The following SLC22A17 variants were observed in gnomAD, a reference collection of about 807,000 sequenced individuals.
SLC22A17 encodes the protein solute carrier family 22 member 17.
A neutral mutation model predicts 53.6 loss-of-function variants in SLC22A17; 38 were observed. That is an observed-to-expected ratio of 0.71 (90% CI 0.55 to 0.93). SLC22A17 has a LOEUF of 0.93. SLC22A17 is among the 40% of genes least tolerant of loss of function. The pLI is 0.00. For synonymous variants in SLC22A17, 379 were observed against 353.0 expected (o/e 1.07, Z -0.82); for missense variants, 704 against 791.0 (o/e 0.89, Z 1.32).
chr14:23,349,628 G>A lies in SLC22A17; in HGVS notation c.705-202C>T. Reference sequence around the variant, plus strand: ...GGCTACTGGGCACTGGGGTGTGGTTGTGGTTCTTTAAGAGGTGGGAACATT... The same window carrying A: ...GGCTACTGGGCACTGGGGTGTGGTTATGGTTCTTTAAGAGGTGGGAACATT... On this transcript the variant is annotated intron_variant, in intron 3 of 9. Transcript: ENST00000397267. 3 of 618,418 alleles carry A rather than the reference G, an allele frequency of 4.9e-6. No homozygotes were observed. In the Admixed American group the frequency reaches 8.9e-5, roughly 18 times the overall value. 38.3% of individuals were successfully genotyped at this position (618,418 alleles called of 1,614,324 possible). A position where few individuals can be genotyped will look rare whatever the true frequency, so the allele number is the denominator to read the frequency against.
chr14:23,346,588 C>G, exon 10 of SLC22A17: 1 of 1,431,202 alleles, frequency 7.0e-7, no homozygotes, highest in Non-Finnish European at 9.1e-7. Context: ...CTCAGTCTTC[C>G]CGATCTTCTT....
At chr14:23,349,468 T>C in intron 3 of SLC22A17, 42 bp from the exon 4 acceptor site, 2 of 1,584,518 alleles carry the variant, frequency 1.3e-6, no homozygotes, top group African/African-American at 1.4e-5. Flanking sequence ...GACTCTCTGG[T>C]GGTGGGAAAG....
In SLC22A17 at chr14:23,352,332, G is replaced by A; in HGVS notation, c.216C>T (p.Ala72=). ...CAAAGCTGAGGGGGCCTGGGGGCAC[G>A]GCCAGCGACAGGCTGCTGCCCAGTC... The change falls in exon 2 of 10, where the codon GCC becomes GCT. Residue 72 remains alanine (A), a synonymous_variant. Coordinates refer to ENST00000397267, the Ensembl canonical transcript of SLC22A17. The surrounding 1 kb of genome is among the most constrained non-coding windows in gnomAD (Gnocchi z 7.2). The A allele has an allele frequency of 4.2e-6, 5 of 1,199,182 alleles. No homozygotes were observed. The highest frequency in any genetic ancestry group is 5.5e-6 in the Non-Finnish European group (5 of 911,152). 74.3% of individuals were successfully genotyped at this position (1,199,182 alleles called of 1,614,324 possible). A position where few individuals can be genotyped will look rare whatever the true frequency, so the allele number is the denominator to read the frequency against.
Position 23,346,553 on chromosome 14 carries a change from C to A in SLC22A17, c.*95G>T, listed in dbSNP as rs191503775. On this transcript the variant is annotated 3_prime_UTR_variant, in exon 10 of 10. Transcript: ENST00000397267. ...TGGCTGGCGTGAGGTGCCTCTGAGA[C>A]TTCTGGGCAGCCCTGCCTTCCCTAC... 11,415 of 1,398,430 alleles carry A rather than the reference C, an allele frequency of 8.2e-3. 66 individuals are homozygous for A. Among genetic ancestry groups the A allele is most frequent in the Non-Finnish European group, 9.8e-3 (10,431 of 1,067,942 alleles). 86.6% of individuals were successfully genotyped at this position (1,398,430 alleles called of 1,614,324 possible).
At chr14:23,351,705 T>G (rs774265715) in intron 3 of SLC22A17, 47 bp downstream of exon 3, 1 of 1,549,804 alleles carries the variant, frequency 6.5e-7, no homozygotes, top group Non-Finnish European at 8.8e-7. Flanking sequence ...TTAGCTTCCC[T>G]AGCACCCCCT....
Position 23,347,377 on chromosome 14 carries a change from G to A in SLC22A17, c.1549+83C>T. 1.9e-6 allele frequency: 3 copies of A among 1,546,108 alleles called. No individual in the cohort carries two copies. The highest frequency in any genetic ancestry group is 1.9e-5 in the Admixed American group (1 of 53,618). On this transcript the variant is annotated intron_variant, in intron 8 of 9. Coordinates refer to ENST00000397267, the Ensembl canonical transcript of SLC22A17. This position sits in a 1 kb window ranked among gnomAD's most constrained non-coding sequence, Gnocchi z 5.1. ...AGATGGGGCTGTGGGGCCAGGTGGAGGCTCGTGGAAGAGCTGGGCAGGGTC... is the reference window on the plus strand; with the variant it reads ...AGATGGGGCTGTGGGGCCAGGTGGAAGCTCGTGGAAGAGCTGGGCAGGGTC...
chr14:23,350,654 G>A (rs1889566638), intron 3 of SLC22A17, among the ~76,000 whole-genome samples: 1 of 152,158 alleles, frequency 6.6e-6, no homozygotes, highest in Admixed American at 6.5e-5. Flanking sequence ...AATGGGGTGG[G>A]GCATTTTTCC....
chr14:23,347,382 G>A lies in SLC22A17; in HGVS notation c.1549+78C>T, dbSNP rs1362867038. 14 of 1,553,594 alleles carry A rather than the reference G, an allele frequency of 9.0e-6. No individual in the cohort carries two copies. The highest frequency in any genetic ancestry group is 2.3e-5 in the East Asian group (1 of 43,690). ...GGGCTGTGGGGCCAGGTGGAGGCTC[G>A]TGGAAGAGCTGGGCAGGGTCTGGGG... On this transcript the variant is annotated intron_variant, in intron 8 of 9. Coordinates refer to ENST00000397267, the Ensembl canonical transcript of SLC22A17. The surrounding 1 kb of genome is among the most constrained non-coding windows in gnomAD (Gnocchi z 5.1).
rs747436082 is a variant in SLC22A17 at position 23,348,715 on chromosome 14, A to G, written c.860-44T>C. 3 of 1,557,296 alleles carry G rather than the reference A, an allele frequency of 1.9e-6. No homozygotes were observed. On this transcript the variant is annotated intron_variant, in intron 4 of 9. Transcript: ENST00000397267. The surrounding 1 kb of genome is among the most constrained non-coding windows in gnomAD (Gnocchi z 4.5). ...TGGAGAGAGGAGAGGGAGGCCAGGGAGGAAGAAGGCATAAGAGAGAAGAAG... is the reference window on the plus strand; with the variant it reads ...TGGAGAGAGGAGAGGGAGGCCAGGGGGGAAGAAGGCATAAGAGAGAAGAAG...
In SLC22A17 at chr14:23,347,326, G is replaced by A. The variant is rs1258967295; in HGVS notation, c.1550-114C>T. ...CATGGCTCTAGCTGGGCAGGCTCTG[G>A]GCATTCAGTAATTGACTGGGAGAGC... On this transcript the variant is annotated intron_variant, in intron 8 of 9. Transcript: ENST00000397267. The surrounding 1 kb of genome is among the most constrained non-coding windows in gnomAD (Gnocchi z 5.1). 41 of 1,475,174 alleles carry A rather than the reference G, an allele frequency of 2.8e-5. No individual in the cohort carries two copies. The highest frequency in any genetic ancestry group is 3.8e-5 in the Non-Finnish European group (41 of 1,091,000). 91.4% of individuals were successfully genotyped at this position (1,475,174 alleles called of 1,614,324 possible). A position where few individuals can be genotyped will look rare whatever the true frequency, so the allele number is the denominator to read the frequency against.
chr14:23,346,944 G>A lies in SLC22A17; in HGVS notation c.1662-8C>T, dbSNP rs761110372. ...AGGCCCAGGCCACGGCCCCTGGGGGGAGACAGAGGAGGAGCTCAGCCCACA... is the reference window on the plus strand; with the variant it reads ...AGGCCCAGGCCACGGCCCCTGGGGGAAGACAGAGGAGGAGCTCAGCCCACA... On this transcript the variant is annotated splice_region_variant and splice_polypyrimidine_tract_variant and intron_variant, in intron 9 of 9. Transcript: ENST00000397267. 5.2e-6 allele frequency: 8 copies of A among 1,526,858 alleles called. No individual in the cohort carries two copies. In the South Asian group the frequency reaches 7.2e-5, roughly 14 times the overall value. The allele number at this position is 1,526,858 out of a possible 1,614,324, so 94.6% of individuals were successfully genotyped here.
At position 23,348,713 on chromosome 14, in the gene SLC22A17, G is replaced by T. The variant is rs1323504500; in HGVS notation, c.860-42C>A. The T allele has an allele frequency of 8.4e-6, 13 of 1,556,468 alleles. No individual in the cohort carries two copies. The highest frequency in any genetic ancestry group is 2.7e-5 in the African/African-American group (2 of 72,932). ...GGTGGAGAGAGGAGAGGGAGGCCAG[G>T]GAGGAAGAAGGCATAAGAGAGAAGA... On this transcript the variant is annotated intron_variant, in intron 4 of 9. Transcript: ENST00000397267. The surrounding 1 kb of genome is among the most constrained non-coding windows in gnomAD (Gnocchi z 4.5).
chr14:23,351,739 C>A lies in SLC22A17; in HGVS notation c.704+13G>T. On this transcript the variant is annotated intron_variant, in intron 3 of 9. Coordinates refer to ENST00000397267, the Ensembl canonical transcript of SLC22A17. ...CTCCTTTCTACCAGCCCTGCCCCCACGACAGCCCTCACCTGTCTGCGGGGT... is the reference window on the plus strand; with the variant it reads ...CTCCTTTCTACCAGCCCTGCCCCCAAGACAGCCCTCACCTGTCTGCGGGGT... The A allele has an allele frequency of 6.2e-7, 1 of 1,608,466 alleles. No homozygotes were observed. The highest frequency in any genetic ancestry group is 1.7e-5 in the Admixed American group (1 of 58,188).
Position 23,348,326 on chromosome 14 carries a change from G to T in SLC22A17, c.1026-20C>A, listed in dbSNP as rs912211166. 4.3e-6 allele frequency: 7 copies of T among 1,613,432 alleles called. No homozygotes were observed. The highest frequency in any genetic ancestry group is 3.3e-4 in the Middle Eastern group (2 of 6,058). ...GGCCAGCTGGGGGCAGGGGGGAAGG[G>T]GTATACTGTGAGGCCTCCCTTCTCC... is the stretch of plus-strand genomic sequence containing the variant. On this transcript the variant is annotated intron_variant, in intron 5 of 9. Transcript: ENST00000397267. The surrounding 1 kb of genome is among the most constrained non-coding windows in gnomAD (Gnocchi z 4.5).
rs1378568745 is a variant in SLC22A17 at position 23,347,852 on chromosome 14, G to T, written c.1277+39C>A. 1 of 1,613,018 alleles carries T rather than the reference G, an allele frequency of 6.2e-7. No individual in the cohort carries two copies. The highest frequency in any genetic ancestry group is 1.3e-5 in the African/African-American group (1 of 74,906). The stretch of plus-strand genomic sequence containing the variant: ...TCCCACCCAGCCAGCCCCCATTCCA[G>T]CTACTGGCCTGGCCCTCAGCCCAGA... On this transcript the variant is annotated intron_variant, in intron 7 of 9. Coordinates refer to ENST00000397267, the Ensembl canonical transcript of SLC22A17. The surrounding 1 kb of genome is among the most constrained non-coding windows in gnomAD (Gnocchi z 5.1).
At position 23,347,771 on chromosome 14, in the gene SLC22A17, T is replaced by C. The variant is rs750932969; in HGVS notation, c.1278-40A>G. ...GGGGAAGCAACGAACAGAGCCTGAA[T>C]CCCCTCCCGCAGCCTTCTACAGTGC... On this transcript the variant is annotated intron_variant, in intron 7 of 9. Transcript: ENST00000397267. This position sits in a 1 kb window ranked among gnomAD's most constrained non-coding sequence, Gnocchi z 5.1. 1.2e-5 allele frequency: 20 copies of C among 1,609,792 alleles called. No homozygotes were observed. The African/African-American group carries it at 2.3e-4, about 18-fold the overall frequency.
At position 23,347,789 on chromosome 14, in the gene SLC22A17, T is replaced by C. The variant is rs12896494; in HGVS notation, c.1278-58A>G. 0.54 allele frequency: 868,973 copies of C among 1,609,928 alleles called. 239,279 individuals carry two copies. Among genetic ancestry groups the C allele is most frequent in the African/African-American group, 0.74 (55,504 of 74,868 alleles). On this transcript the variant is annotated intron_variant, in intron 7 of 9. Transcript: ENST00000397267. The surrounding 1 kb of genome is among the most constrained non-coding windows in gnomAD (Gnocchi z 5.1). ...GCCTGAATCCCCTCCCGCAGCCTTCTACAGTGCTGATGGTCCTCCGCAGGG... is the reference window on the plus strand; with the variant it reads ...GCCTGAATCCCCTCCCGCAGCCTTCCACAGTGCTGATGGTCCTCCGCAGGG...
rs1364141891 is a variant in SLC22A17 at position 23,352,092 on chromosome 14, A to G, written c.456T>C (p.Ala152=). The G allele has an allele frequency of 1.9e-6, 3 of 1,589,440 alleles. No individual in the cohort carries two copies. Among genetic ancestry groups the G allele is most frequent in the Non-Finnish European group, 2.6e-6 (3 of 1,169,164 alleles). ...GGCTGGCGGCGCTGGCTGCTAGGGC[A>G]GCGCTGGCGACGCTGACGCCGCTGG... Residue 152 remains alanine (A), a synonymous_variant, in exon 2 of 10, where the codon GCT becomes GCC. Transcript: ENST00000397267. The surrounding 1 kb of genome is among the most constrained non-coding windows in gnomAD (Gnocchi z 7.2).
In SLC22A17 at chr14:23,349,415, C is replaced by T. The variant is rs140947678; in HGVS notation, c.716G>A (p.Arg239His). The stretch of plus-strand genomic sequence containing the variant: ...CCCCAAGGTCAGCAGCACAATCCCG[C>T]GACGGCCAAATCTAGAAAGTGGGAA... The change falls in exon 4 of 10, where the codon CGC becomes CAC. Residue 239 changes from arginine (R) to histidine (H), a missense_variant. Physicochemically the swap from Arg to His is conservative, Grantham distance 29. This residue lies in a region of SLC22A17 where 435 missense variants were observed against 529.0 expected (regional missense o/e 0.82). Transcript: ENST00000397267. The T allele has an allele frequency of 5.3e-5, 86 of 1,612,398 alleles. No homozygotes were observed. Among genetic ancestry groups the T allele is most frequent in the South Asian group, 1.1e-4 (10 of 90,978 alleles).
Sources: allele counts gnomAD v4.1 joint callset (sites outside exome capture counted in the v4.1 genomes callset), GRCh38; gene constraint gnomAD v4.1.1; regional missense constraint gnomAD v4.1.1; non-coding constraint Gnocchi (gnomAD v3.1); transcripts MANE v1.5; gene names NCBI Gene and HGNC (gene_info 2026-07-23, HGNC 2026-07-21).